Variants in JAKMIP2 observed in about 807,000 individuals in gnomAD.
The protein encoded by JAKMIP2 is janus kinase and microtubule-interacting protein 2.
Under a neutral mutation model 115.0 loss-of-function variants are expected in JAKMIP2, and 25 were observed. The observed-to-expected ratio is 0.22, with a 90% CI of 0.16 to 0.30. JAKMIP2 has a LOEUF of 0.30. JAKMIP2 is among the 10% of genes least tolerant of loss of function. The pLI is 1.00. For synonymous variants in JAKMIP2, 334 were observed against 343.6 expected (o/e 0.97, Z 0.31); for missense variants, 642 against 957.6 (o/e 0.67, Z 4.35).
chr5:147,635,552 C>CTTTGT (rs749104278), intron 12 of JAKMIP2, among the ~76,000 whole-genome samples: 16 of 152,110 alleles, frequency 1.1e-4, no homozygotes, highest in East Asian at 1.9e-4. Context: ...ATAGAGGTTT[C>CTTTGT]TTTGTTTTGT....
rs1158414584 is a variant in JAKMIP2, at chr5:147,600,473, A to G, written c.*20+1268T>C. Among the ~76,000 whole-genome samples the G allele has an allele frequency of 2.0e-5, 3 of 152,102 alleles. No homozygotes were observed. The South Asian group carries it at 6.2e-4, about 32-fold the overall frequency. Reference sequence around the variant, plus strand: ...AGAAAGTGCCTCTCTTCTGTTTTCCAACTTGCTGTAGAAAATGTTAAATCA... The same window carrying G: ...AGAAAGTGCCTCTCTTCTGTTTTCCGACTTGCTGTAGAAAATGTTAAATCA... On this transcript the variant is annotated intron_variant, in intron 21 of 21. Transcript: ENST00000616793.
At chr5:147,692,487 C>A (rs1257118731) in intron 1 of JAKMIP2, among the ~76,000 whole-genome samples, 1 of 152,180 alleles carries the variant, frequency 6.6e-6, no homozygotes, top group Non-Finnish European at 1.5e-5. Context: ...TCTTCTAGTG[C>A]ATGTTTTCAC....
At chr5:147,699,324 A>G (rs116370237) in intron 1 of JAKMIP2, among the ~76,000 whole-genome samples, 5,320 of 152,308 alleles carry the variant, frequency 0.035, 130 homozygotes, top group Middle Eastern at 0.068. Flanking sequence ...TACAATTGTT[A>G]AATAAGACAG....
chr5:147,648,228 G>A, intron 5 of JAKMIP2, 148 bp downstream of exon 5: 2 of 525,942 alleles, frequency 3.8e-6, no homozygotes, highest in Non-Finnish European at 6.7e-6. Flanking sequence ...GTGGTTTTTT[G>A]AGTGTGCCAC....
chr5:147,630,099 T>C (rs1757289872), intron 14 of JAKMIP2, among the ~76,000 whole-genome samples: 1 of 151,658 alleles, frequency 6.6e-6, no homozygotes, highest in Non-Finnish European at 1.5e-5. Flanking sequence ...TGCCAAATCT[T>C]TTTTTTTTCA....
chr5:147,671,348 G>T (rs973626559), intron 2 of JAKMIP2, among the ~76,000 whole-genome samples: 1 of 152,232 alleles, frequency 6.6e-6, no homozygotes, highest in Non-Finnish European at 1.5e-5. Context: ...TAGAGGGCAA[G>T]AGTGGAACTT....
intron 1 of JAKMIP2, among the ~76,000 whole-genome samples, chr5:147,764,956 G>A (rs59201825): frequency 0.016 from 1,051 of 64,902 alleles, 98 homozygotes; most frequent in East Asian, 0.12. Flanking sequence ...GGGAGAGAGA[G>A]AGAGAGAGAG....
intron 13 of JAKMIP2, among the ~76,000 whole-genome samples, chr5:147,632,051 A>C (rs936187495): frequency 6.6e-6 from 1 of 152,180 alleles, no homozygotes; most frequent in African/African-American, 2.4e-5. Flanking sequence ...CATACACTGA[A>C]CCAGATCCTA....
chr5:147,627,705 C>T (rs199816079), intron 16 of JAKMIP2, among the ~76,000 whole-genome samples: 25 of 53,978 alleles, frequency 4.6e-4, no homozygotes, highest in Admixed American at 1.2e-3. Context: ...AAAAAAAAAA[C>T]CCACAAGGTT....
chr5:147,668,408 C>G (rs1759410653), intron 2 of JAKMIP2, among the ~76,000 whole-genome samples: 1 of 152,202 alleles, frequency 6.6e-6, no homozygotes, highest in Non-Finnish European at 1.5e-5. Context: ...AACTTAGTGG[C>G]TCAGGGTGCT....
intron 1 of JAKMIP2, among the ~76,000 whole-genome samples, chr5:147,765,054 AGAAGGAAG>A (rs1174917666): frequency 7.3e-4 from 108 of 148,508 alleles, no homozygotes; most frequent in Middle Eastern, 3.4e-3. Context: ...GAGAGAAGAG[AGAAGGAAG>A]GAAGGAAGGA....
At chr5:147,612,105 T>C (rs769280478) in intron 20 of JAKMIP2, 1 of 722,014 alleles carries the variant, frequency 1.4e-6, no homozygotes, top group Admixed American at 1.7e-5. Flanking sequence ...AAAAGACAAA[T>C]ATGTGAAGGC....
chr5:147,612,115 C>G (rs1215968482), intron 20 of JAKMIP2, 191 bp downstream of exon 20: 1 of 728,874 alleles, frequency 1.4e-6, no homozygotes, highest in Admixed American at 1.7e-5. Context: ...TATGTGAAGG[C>G]TGGGTTACTG....
At chr5:147,636,382 T>G in intron 11 of JAKMIP2, 98 bp from the exon 12 acceptor site, 2 of 929,606 alleles carry the variant, frequency 2.2e-6, no homozygotes, top group Non-Finnish European at 1.7e-6. Context: ...CTCCCCACCC[T>G]GTTTGTTTGC....
At chr5:147,624,028 T>A (rs1756984762) in intron 16 of JAKMIP2, among the ~76,000 whole-genome samples, 1 of 151,820 alleles carries the variant, frequency 6.6e-6, no homozygotes, top group Admixed American at 6.6e-5. Flanking sequence ...AGAGACGGGG[T>A]TTCACCATCT....
At chr5:147,648,352 A>G (rs1199694807) in intron 5 of JAKMIP2, 24 bp downstream of exon 5, 2 of 1,315,108 alleles carry the variant, frequency 1.5e-6, no homozygotes, top group Non-Finnish European at 2.2e-6. Flanking sequence ...AACAACATCA[A>G]CAAAAATTTT....
intron 1 of JAKMIP2, among the ~76,000 whole-genome samples, chr5:147,710,291 A>G (rs186298326): frequency 2.0e-5 from 3 of 152,316 alleles, no homozygotes; most frequent in Admixed American, 2.0e-4. Context: ...TAAATGCTTT[A>G]TAACATTATT....
intron 1 of JAKMIP2, among the ~76,000 whole-genome samples, chr5:147,691,600 C>T (rs1260455113): frequency 1.3e-5 from 2 of 152,294 alleles, no homozygotes; most frequent in South Asian, 2.1e-4. Flanking sequence ...AGCCTTCTCC[C>T]GAACCTTGTG....
intron 1 of JAKMIP2, among the ~76,000 whole-genome samples, chr5:147,770,008 C>T (rs1755291422): frequency 6.6e-6 from 1 of 152,132 alleles, no homozygotes; most frequent in South Asian, 2.1e-4. Flanking sequence ...TTACCACCTA[C>T]AACGAATTCC....
Sources: gnomAD v4.1 joint callset for allele counts (sites outside exome capture counted in the v4.1 genomes callset) on GRCh38, gnomAD v4.1.1 for gene constraint, MANE v1.5 for transcripts, NCBI Gene and HGNC (gene_info 2026-07-23, HGNC 2026-07-21) for gene names.